The following ZNF81 variants were observed in gnomAD, a reference collection of about 807,000 sequenced individuals.
ZNF81 encodes zinc finger protein 81.
Under a neutral mutation model 32.3 loss-of-function variants are expected in ZNF81, and 5 were observed. The ratio of observed to expected loss-of-function variants is 0.15; its 90% confidence interval spans 0.08 to 0.33. ZNF81 has a LOEUF of 0.33. Among genes scored for constraint, ZNF81 ranks in the 10% least tolerant of loss-of-function variants. The pLI is 1.00. For synonymous variants in ZNF81, 163 were observed against 166.8 expected (o/e 0.98, Z 0.17); for missense variants, 379 against 479.8 (o/e 0.79, Z 1.96).
intron 2 of ZNF81, among the ~76,000 whole-genome samples, chrX:47,872,878 G>A (rs2058585614): frequency 9.0e-6 from 1 of 111,641 alleles, no homozygotes; most frequent in South Asian, 3.7e-4. Context: ...TTTTTGGTAA[G>A]CTATTTTTAT....
At chrX:47,843,704 T>C (rs2058460184) in intron 1 of ZNF81, among the ~76,000 whole-genome samples, 1 of 111,555 alleles carries the variant, frequency 9.0e-6, no homozygotes, top group Non-Finnish European at 1.9e-5. Context: ...TTCTATTTTT[T>C]TGTAGAGATA....
intron 3 of ZNF81, among the ~76,000 whole-genome samples, chrX:47,894,100 G>A (rs1556886851): frequency 2.7e-5 from 3 of 111,725 alleles, no homozygotes; most frequent in Non-Finnish European, 5.6e-5. Context: ...ATAGAACTGG[G>A]CTCAATTCCA....
chrX:47,844,782 T>C (rs782379844), intron 1 of ZNF81, among the ~76,000 whole-genome samples: 1 of 112,338 alleles, frequency 8.9e-6, no homozygotes, highest in African/African-American at 3.2e-5. Context: ...AGTGCACCAT[T>C]TTACAATCCA....
chrX:47,922,104 TAAC>T lies in ZNF81; in HGVS notation c.*5476_*5478del, dbSNP rs1162850069. 8.9e-6 allele frequency: 1 copy of T among 112,127 alleles called. No individual in the cohort carries two copies. Among genetic ancestry groups the T allele is most frequent in the Non-Finnish European group, 1.9e-5 (1 of 53,215 alleles). The allele number at this position is 112,127 out of a possible 1,213,427, so 9.2% of individuals were successfully genotyped here. ...AGTCACTAAGTTTTGGGCAGCATGA[TAAC>T]AACCCAGCAAAAAGCTAACTGATAC... On this transcript the variant is annotated 3_prime_UTR_variant, in exon 5 of 5. Transcript: ENST00000338637.
At position 47,891,370 on chromosome X, in the gene ZNF81, G is replaced by A. The variant is rs189478033; in HGVS notation, c.181+3245G>A. ...ATCTATTTTCTGCACAGGCCAAATA[G>A]GCAAGGTGAATGGGGATGTGGTGGG... is the stretch of plus-strand genomic sequence containing the variant. On this transcript the variant is annotated intron_variant, in intron 3 of 4. Transcript: ENST00000338637. Among the ~76,000 whole-genome samples the A allele has an allele frequency of 3.8e-3, 426 of 112,671 alleles. 2 individuals carry two copies. The highest frequency in any genetic ancestry group is 0.012 in the African/African-American group (383 of 31,061).
chrX:47,845,042 G>T (rs782793477), intron 1 of ZNF81, among the ~76,000 whole-genome samples: 1 of 112,148 alleles, frequency 8.9e-6, no homozygotes, highest in South Asian at 3.6e-4. Flanking sequence ...TTATTTGAAG[G>T]AATTTTGTAA....
intron 2 of ZNF81, among the ~76,000 whole-genome samples, chrX:47,852,085 A>G (rs2058497845): frequency 8.8e-6 from 1 of 113,073 alleles, no homozygotes; most frequent in Non-Finnish European, 1.9e-5. Context: ...GGCTTCCCAC[A>G]TAAAAGTTAT....
At chrX:47,849,897 G>A (rs1229129346) in intron 2 of ZNF81, among the ~76,000 whole-genome samples, 1 of 111,423 alleles carries the variant, frequency 9.0e-6, no homozygotes, top group African/African-American at 3.3e-5. Flanking sequence ...TATTCATCAG[G>A]GAAATGCAAA....
intron 1 of ZNF81, among the ~76,000 whole-genome samples, chrX:47,843,417 T>C (rs1398632363): frequency 1.2e-5 from 1 of 83,149 alleles, no homozygotes; most frequent in Non-Finnish European, 2.4e-5. Flanking sequence ...AATTATCTTA[T>C]GTTATTCCTA....
chrX:47,905,429 A>AT (rs1426903786), intron 4 of ZNF81, among the ~76,000 whole-genome samples: 1 of 106,618 alleles, frequency 9.4e-6, no homozygotes, highest in Non-Finnish European at 1.9e-5. Flanking sequence ...AAAAAAAAAA[A>AT]AAAAGAACTT....
chrX:47,840,240 A>G (rs2058442058), intron 1 of ZNF81, among the ~76,000 whole-genome samples: 1 of 107,540 alleles, frequency 9.3e-6, no homozygotes, highest in Admixed American at 1.0e-4. Context: ...AGATTCAATT[A>G]TGTCCCTGGG....
chrX:47,864,832 A>T (rs1005792507), intron 2 of ZNF81, among the ~76,000 whole-genome samples: 1 of 112,545 alleles, frequency 8.9e-6, no homozygotes, highest in Non-Finnish European at 1.9e-5. Context: ...TTCCAAAAAG[A>T]GCTGACTGAT....
intron 2 of ZNF81, among the ~76,000 whole-genome samples, chrX:47,883,475 G>A (rs1005036181): frequency 8.9e-6 from 1 of 112,120 alleles, no homozygotes; most frequent in Non-Finnish European, 1.9e-5. Context: ...CCATGCTTAC[G>A]TCAAGGTTGC....
intron 2 of ZNF81, among the ~76,000 whole-genome samples, chrX:47,865,720 A>G (rs1345647940): frequency 9.0e-6 from 1 of 111,644 alleles, no homozygotes; most frequent in African/African-American, 3.3e-5. Flanking sequence ...AAGCATCCAG[A>G]ATGGTCTCTT....
At chrX:47,849,183 AT>A (rs1465300371) in intron 2 of ZNF81, among the ~76,000 whole-genome samples, 1 of 111,836 alleles carries the variant, frequency 8.9e-6, no homozygotes, top group Non-Finnish European at 1.9e-5. Flanking sequence ...TTAATGGGTC[AT>A]AGTTATGTCT....
chrX:47,851,773 G>GA (rs1380610104), intron 2 of ZNF81, among the ~76,000 whole-genome samples: 6 of 111,616 alleles, frequency 5.4e-5, no homozygotes, highest in East Asian at 2.8e-4. Flanking sequence ...CTGTATTTGG[G>GA]AAAAAAACCC....
intron 3 of ZNF81, among the ~76,000 whole-genome samples, chrX:47,890,190 C>T (rs2058657664): frequency 9.0e-6 from 1 of 111,149 alleles, no homozygotes; most frequent in Non-Finnish European, 1.9e-5. Context: ...GAGCCTGCTG[C>T]TGGCCTTATA....
intron 1 of ZNF81, chrX:47,841,502 A>G (rs1476601382): frequency 1.4e-5 from 14 of 991,684 alleles, no homozygotes; most frequent in Non-Finnish European, 1.8e-5. Flanking sequence ...TCTGAGACGC[A>G]CCTTGTCACG....
In ZNF81 at chrX:47,924,493, A is replaced by T. The variant is rs782518102; in HGVS notation, c.*7861A>T. On this transcript the variant is annotated 3_prime_UTR_variant, in exon 5 of 5. Coordinates refer to ENST00000338637, the MANE Select transcript of ZNF81 (RefSeq NM_007137.5). ...TCAAGGAAGTTTTATTTTGCTTAAC[A>T]TTTTTTCTGATCCATTTCTTCTCTT... 8.9e-6 allele frequency among the ~76,000 whole-genome samples: 1 copy of T among 111,822 alleles called. No homozygotes were observed. Among genetic ancestry groups the T allele is most frequent in the African/African-American group, 3.2e-5 (1 of 30,821 alleles).
Sources: gnomAD v4.1 joint callset for allele counts (sites outside exome capture counted in the v4.1 genomes callset) on GRCh38, gnomAD v4.1.1 for gene constraint, MANE v1.5 for transcripts, NCBI Gene and HGNC (gene_info 2026-07-23, HGNC 2026-07-21) for gene names.